RIF1: variants seen among roughly 807,000 people sequenced by gnomAD.
RIF1 encodes replication timing regulatory factor 1.
RIF1 carries 45 observed loss-of-function variants against 247.1 expected under a neutral mutation model. That is an observed-to-expected ratio of 0.18 (90% CI 0.14 to 0.23). RIF1 has a LOEUF of 0.23. RIF1 is among the 10% of genes least tolerant of loss of function. The probability of loss-of-function intolerance (pLI) is 1.00; values close to 1 mark genes in which losing one functional copy is unlikely to be tolerated. For synonymous variants in RIF1, 1,087 were observed against 978.8 expected (o/e 1.11, Z -2.06); for missense variants, 2,967 against 2,862.5 (o/e 1.04, Z -0.83).
chr2:151,490,539 G>A (rs1337348566), intron 9 of RIF1: 1 of 1,604,586 alleles, frequency 6.2e-7, no homozygotes. Flanking sequence ...TGCAGTTGGG[G>A]GAGATGTAGC....
rs2057088248 is a variant in RIF1 at position 151,492,083 on chromosome 2, C to T, written c.*416-3146C>T. 1 of 1,612,964 alleles carries T rather than the reference C, an allele frequency of 6.2e-7. No individual in the cohort carries two copies. The highest frequency in any genetic ancestry group is 1.7e-5 in the Admixed American group (1 of 60,000). On this transcript the variant is annotated intron_variant and NMD_transcript_variant, in intron 9 of 13. Transcript: ENST00000454583. The stretch of plus-strand genomic sequence containing the variant: ...ACTTAAAGTTAATCCCCTCCCCCAA[C>T]CCAGGCTCAGTTACCTGTAATAGTC...
intron 24 of RIF1, among the ~76,000 whole-genome samples, chr2:151,458,585 T>C (rs919065524): frequency 7.2e-5 from 11 of 152,124 alleles, no homozygotes; most frequent in South Asian, 2.1e-4. Context: ...CTACTTCTTA[T>C]TGGAATTTTC....
At chr2:151,411,684 A>C (rs892589459) in intron 3 of RIF1, among the ~76,000 whole-genome samples, 2 of 152,182 alleles carry the variant, frequency 1.3e-5, no homozygotes, top group Non-Finnish European at 2.9e-5. Flanking sequence ...TACAGGAGTG[A>C]GCCACTGTGT....
At chr2:151,447,551 TTTA>T (rs1558985273) in intron 20 of RIF1, among the ~76,000 whole-genome samples, 1 of 152,194 alleles carries the variant, frequency 6.6e-6, no homozygotes, top group Non-Finnish European at 1.5e-5. Context: ...TATTTATTTA[TTTA>T]TTATTTTTTG....
At chr2:151,425,660 C>CTTTTTTTTTTT (rs34032157) in intron 8 of RIF1, among the ~76,000 whole-genome samples, 25 of 83,698 alleles carry the variant, frequency 3.0e-4, no homozygotes, top group Admixed American at 6.0e-4. Context: ...TTGTGGTACC[C>CTTTTTTTTTTT]TTTTTTTTTT....
chr2:151,487,743 TAA>T lies in RIF1; in HGVS notation c.*415+4410_*415+4411del, dbSNP rs200193449. On this transcript the variant is annotated intron_variant and NMD_transcript_variant, in intron 9 of 13. Transcript: ENST00000454583. ...TTTTAGGTCAAATGGCATGTGTGTT[TAA>T]ACTTATTTTATACATACACACATAT... Among the ~76,000 whole-genome samples the T allele has an allele frequency of 2.3e-3, 343 of 152,226 alleles. 8 individuals are homozygous for T. In the East Asian group the frequency reaches 0.044, roughly 20 times the overall value.
chr2:151,507,558 C>T (rs1482427533), intron 13 of RIF1, among the ~76,000 whole-genome samples: 1 of 152,200 alleles, frequency 6.6e-6, no homozygotes, highest in African/African-American at 2.4e-5. Context: ...AAACAGCCAT[C>T]GCTAAATCCC....
chr2:151,505,541 TC>T, intron 12 of RIF1: 1 of 1,613,856 alleles, frequency 6.2e-7, no homozygotes, highest in Non-Finnish European at 8.5e-7. Flanking sequence ...GGATTGGAGT[TC>T]CTTGTCCTAT....
intron 34 of RIF1, 85 bp from the exon 35 acceptor site, chr2:151,473,879 T>A: frequency 1.3e-6 from 1 of 748,486 alleles, no homozygotes; most frequent in Non-Finnish European, 2.4e-6. Flanking sequence ...TTTCCAGTGT[T>A]TGTACTATTA....
At chr2:151,468,417 T>G in intron 31 of RIF1, 57 bp from the exon 32 acceptor site, 5 of 1,368,524 alleles carry the variant, frequency 3.7e-6, no homozygotes, top group Non-Finnish European at 5.2e-6. Context: ...GTAAAAATTG[T>G]GAAATTATAG....
chr2:151,520,581 A>G, the RIF1 span, among the ~76,000 whole-genome samples: 47 of 152,314 alleles, frequency 3.1e-4, no homozygotes, highest in African/African-American at 1.1e-3. Context: ...AAAGAGGATG[A>G]TAGCCAGGTG....
chr2:151,500,898 C>T (rs1490268794), intron 11 of RIF1, among the ~76,000 whole-genome samples: 1 of 151,936 alleles, frequency 6.6e-6, no homozygotes, highest in Non-Finnish European at 1.5e-5. Flanking sequence ...CACGCCTGGC[C>T]CCAAATAAGA....
rs7575451 is a variant in RIF1, at chr2:151,496,329, C to G, written c.*513+1003C>G. 0.65 allele frequency: 1,041,212 copies of G among 1,610,432 alleles called. 339,213 individuals carry two copies. Among genetic ancestry groups the G allele is most frequent in the East Asian group, 0.79 (35,471 of 44,784 alleles). ...ACTCGCTCCATCTCGGGAGTGACAG[C>G]TAAAGGAGTTCCCTTGCCCATGTTT... On this transcript the variant is annotated intron_variant and NMD_transcript_variant, in intron 10 of 13. Coordinates refer to the RIF1 transcript ENST00000454583.
rs752854554 is a variant in RIF1, at chr2:151,475,108, A to G, written c.*37A>G. 1 of 1,384,312 alleles carries G rather than the reference A, an allele frequency of 7.2e-7. No individual in the cohort carries two copies. The highest frequency in any genetic ancestry group is 1.2e-5 in the South Asian group (1 of 85,458). 85.8% of individuals were successfully genotyped at this position (1,384,312 alleles called of 1,614,324 possible). On this transcript the variant is annotated 3_prime_UTR_variant, in exon 36 of 36. Transcript: ENST00000444746. ...AAAATTGAAGGTTTTTTTAAACATCACTGGATTTCTTGATTGAGGAAACAA... is the reference window on the plus strand; with the variant it reads ...AAAATTGAAGGTTTTTTTAAACATCGCTGGATTTCTTGATTGAGGAAACAA...
rs16830036 is a variant in RIF1 at position 151,438,627 on chromosome 2, A to C, written c.1484-57A>C. 4.7e-6 allele frequency: 5 copies of C among 1,059,200 alleles called. No homozygotes were observed. In the South Asian group the frequency reaches 6.3e-5, roughly 13 times the overall value. The allele number at this position is 1,059,200 out of a possible 1,614,324, so 65.6% of individuals were successfully genotyped here. ...AGGAAGTAAAGGGAGAGTGTTAGTC[A>C]TAGTACGTAGTCATATGTACTTCAT... is the stretch of plus-strand genomic sequence containing the variant. On this transcript the variant is annotated intron_variant, in intron 13 of 35. Coordinates refer to ENST00000444746, the MANE Select transcript of RIF1 (RefSeq NM_018151.5).
rs760215562 is a variant in RIF1, at chr2:151,437,318, G to T, written c.1450G>T (p.Asp484Tyr). ...HANTLITAVH[D>Y]SFVAVGKDAP... Reference sequence around the variant, plus strand: ...AAATACACTTATCACTGCTGTTCATGATAGCTTTGTTGCAGTTGGAAAAGA... The same window carrying T: ...AAATACACTTATCACTGCTGTTCATTATAGCTTTGTTGCAGTTGGAAAAGA... The change falls in exon 13 of 36, where the codon GAT becomes TAT. Residue 484 changes from aspartate to tyrosine, a missense_variant. This residue lies in a region of RIF1 where 369 missense variants were observed against 322.0 expected (regional missense o/e 1.15). Coordinates refer to ENST00000444746, the MANE Select transcript of RIF1 (RefSeq NM_018151.5). The T allele has an allele frequency of 2.5e-6, 4 of 1,613,658 alleles. No individual in the cohort carries two copies. The highest frequency in any genetic ancestry group is 3.4e-6 in the Non-Finnish European group (4 of 1,179,692).
the RIF1 span, chr2:151,534,364 G>T: frequency 1.9e-6 from 3 of 1,538,770 alleles, no homozygotes; most frequent in Middle Eastern, 1.7e-4. Flanking sequence ...ACAACTTCAA[G>T]GCTACACAAA....
chr2:151,519,952 C>T, the RIF1 span: 1 of 460,030 alleles, frequency 2.2e-6, no homozygotes, highest in East Asian at 3.3e-5. Context: ...GACAAGACAA[C>T]AGGCATTCAA....
chr2:151,501,756 T>C (rs2064764433), intron 11 of RIF1, among the ~76,000 whole-genome samples: 2 of 152,050 alleles, frequency 1.3e-5, no homozygotes, highest in South Asian at 4.2e-4. Context: ...AAGACCAGAG[T>C]ATCAAATAGC....
Sources: allele counts gnomAD v4.1 joint callset (sites outside exome capture counted in the v4.1 genomes callset), GRCh38; gene constraint gnomAD v4.1.1; regional missense constraint gnomAD v4.1.1; transcripts MANE v1.5; gene names NCBI Gene and HGNC (gene_info 2026-07-23, HGNC 2026-07-21).